TNIK: variants seen among roughly 807,000 people sequenced by gnomAD.
The protein encoded by TNIK is TRAF2 and NCK interacting kinase.
Under a neutral mutation model 191.3 loss-of-function variants are expected in TNIK, and 49 were observed. That is an observed-to-expected ratio of 0.26 (90% confidence interval 0.20 to 0.32). The LOEUF is 0.32. Ranked by LOEUF, TNIK falls within the 10% of genes least tolerant of loss-of-function variation. TNIK has a pLI of 1.00. For synonymous variants in TNIK, 594 were observed against 600.9 expected (o/e 0.99, Z 0.17); for missense variants, 1,155 against 1,702.3 (o/e 0.68, Z 5.66).
At chr3:171,070,020 G>C (rs1718982456) in intron 29 of TNIK, among the ~76,000 whole-genome samples, 1 of 152,204 alleles carries the variant, frequency 6.6e-6, no homozygotes, top group African/African-American at 2.4e-5. Flanking sequence ...ACTCTCTCAT[G>C]TGTCTCTGGG....
intron 7 of TNIK, among the ~76,000 whole-genome samples, chr3:171,179,231 T>C (rs1325355804): frequency 6.6e-6 from 1 of 152,208 alleles, no homozygotes; most frequent in Admixed American, 6.5e-5. Flanking sequence ...TCCCTTCTCT[T>C]TGTTATGTTT....
At chr3:171,297,352 C>A (rs922431486) in intron 2 of TNIK, among the ~76,000 whole-genome samples, 8 of 152,140 alleles carry the variant, frequency 5.3e-5, no homozygotes, top group African/African-American at 1.9e-4. Context: ...TGCACCCCCA[C>A]CCCAACTTTC....
intron 1 of TNIK, among the ~76,000 whole-genome samples, chr3:171,457,694 C>T (rs143764279): frequency 0.011 from 1,691 of 152,312 alleles, 12 homozygotes; most frequent in Middle Eastern, 0.034. Flanking sequence ...CCCTGGCCCT[C>T]CAGGATATAA....
chr3:171,394,791 T>C (rs1225998564), intron 1 of TNIK, among the ~76,000 whole-genome samples: 1 of 152,208 alleles, frequency 6.6e-6, no homozygotes, highest in Non-Finnish European at 1.5e-5. Flanking sequence ...CACTGAAAAT[T>C]ACCTGCTATT....
chr3:171,408,931 A>T (rs1722055319), intron 1 of TNIK, among the ~76,000 whole-genome samples: 1 of 152,182 alleles, frequency 6.6e-6, no homozygotes, highest in Non-Finnish European at 1.5e-5. Context: ...ACATCAGGGA[A>T]TAAGAGTAAA....
rs780720342 is a variant in TNIK at position 171,093,940 on chromosome 3, G to T, written c.2620C>A (p.Gln874Lys). Reference protein sequence around the residue: ...IPTGAPGSNEQYNVGMVGTHG... With the variant: ...IPTGAPGSNEKYNVGMVGTHG... ...GTCCCCACCATTCCCACATTGTACTGCTCGTTGCTGCCTGGAGCTCCTGTT... is the reference window on the plus strand; with the variant it reads ...GTCCCCACCATTCCCACATTGTACTTCTCGTTGCTGCCTGGAGCTCCTGTT... The change falls in exon 23 of 33, where the codon CAG becomes AAG. Residue 874 changes from glutamine to lysine, a missense_variant. Around this residue, in one of 3 missense-constraint regions of TNIK, gnomAD observed 735 missense variants for 848.0 expected, o/e 0.87. Transcript: ENST00000436636. 37 of 1,613,374 alleles carry T rather than the reference G, an allele frequency of 2.3e-5. No individual in the cohort carries two copies. The highest frequency in any genetic ancestry group is 2.8e-5 in the Non-Finnish European group (33 of 1,179,718).
chr3:171,230,840 C>G (rs1743531916), intron 2 of TNIK, among the ~76,000 whole-genome samples: 1 of 152,194 alleles, frequency 6.6e-6, no homozygotes, highest in South Asian at 2.1e-4. Context: ...TCCTTCCTCT[C>G]TCCCTTCCTT....
In TNIK at chr3:171,232,341, G is replaced by GA. The variant is rs538492715; in HGVS notation, c.124-4121dup. Among the ~76,000 whole-genome samples the GA allele has an allele frequency of 6.8e-3, 906 of 133,346 alleles. 5 individuals carry two copies. Among genetic ancestry groups the GA allele is most frequent in the East Asian group, 0.02 (89 of 4,512 alleles). 87.5% of individuals were successfully genotyped at this position (133,346 alleles called of 152,430 possible). Reference sequence around the variant, plus strand: ...CTCTAAAATGGACAAATGTATGAATGAAAAAAAAAAACCACATGTGCAACC... The same window carrying GA: ...CTCTAAAATGGACAAATGTATGAATGAAAAAAAAAAAACCACATGTGCAACC... On this transcript the variant is annotated intron_variant, in intron 2 of 32. Transcript: ENST00000436636.
rs1577124463 is a variant in TNIK, at chr3:171,208,580, C to T, written c.306+2536G>A. 2.0e-5 allele frequency among the ~76,000 whole-genome samples: 3 copies of T among 148,002 alleles called. No homozygotes were observed. In the South Asian group the frequency reaches 6.6e-4, roughly 32 times the overall value. On this transcript the variant is annotated intron_variant, in intron 4 of 32. Transcript: ENST00000436636. Reference sequence around the variant, plus strand: ...TGTGTGTATGTGTGTGTGTGTGAGACAGAGTCTCACTCTGTCACACAGGCT... The same window carrying T: ...TGTGTGTATGTGTGTGTGTGTGAGATAGAGTCTCACTCTGTCACACAGGCT...
intron 2 of TNIK, among the ~76,000 whole-genome samples, chr3:171,336,019 C>T (rs936802430): frequency 1.4e-4 from 21 of 151,902 alleles, no homozygotes; most frequent in Non-Finnish European, 1.8e-4. Flanking sequence ...GCCTGATGAC[C>T]GATGTTAAGT....
intron 2 of TNIK, among the ~76,000 whole-genome samples, chr3:171,239,503 A>T (rs1365100588): frequency 1.3e-5 from 2 of 152,260 alleles, no homozygotes; most frequent in African/African-American, 4.8e-5. Flanking sequence ...GTCAAAGAAT[A>T]ACATCCAAAT....
intron 1 of TNIK, among the ~76,000 whole-genome samples, chr3:171,411,266 A>C (rs1017677352): frequency 6.6e-6 from 1 of 151,998 alleles, no homozygotes; most frequent in Non-Finnish European, 1.5e-5. Flanking sequence ...TGTAAAGATA[A>C]GGTCTTGCTC....
intron 12 of TNIK, among the ~76,000 whole-genome samples, chr3:171,144,813 A>G (rs577245485): frequency 3.7e-4 from 57 of 152,186 alleles, no homozygotes; most frequent in Admixed American, 1.4e-3. Context: ...CTTTCTTTCT[A>G]TGAGAGTGAC....
chr3:171,211,268 G>A (rs1322292214), intron 3 of TNIK, 27 bp from the exon 4 acceptor site: 1 of 1,571,092 alleles, frequency 6.4e-7, no homozygotes, highest in Non-Finnish European at 8.6e-7. Context: ...TAAAAATTCT[G>A]TCATGAAAAT....
In TNIK at chr3:171,442,622, TGAA is replaced by T. The variant is rs201068537; in HGVS notation, c.57+17382_57+17384del. On this transcript the variant is annotated intron_variant, in intron 1 of 32. Coordinates refer to ENST00000436636, the MANE Select transcript of TNIK (RefSeq NM_015028.4). ...CTCTCTTCATAGAGAGGCTTCCTCC[TGAA>T]GAAGGACCCTTTTTGTTTCCAGTGA... Among the ~76,000 whole-genome samples, 4 of 152,314 alleles carry T rather than the reference TGAA, an allele frequency of 2.6e-5. No homozygotes were observed. The South Asian group carries it at 6.2e-4, about 24-fold the overall frequency.
At chr3:171,406,438 A>AT (rs769929702) in intron 1 of TNIK, among the ~76,000 whole-genome samples, 21 of 151,192 alleles carry the variant, frequency 1.4e-4, no homozygotes, top group Middle Eastern at 3.2e-3. Context: ...TTATTTATTT[A>AT]TTTTTTTTTA....
chr3:171,109,535 G>A (rs34906294), intron 19 of TNIK, among the ~76,000 whole-genome samples: 2 of 152,182 alleles, frequency 1.3e-5, no homozygotes, highest in African/African-American at 4.8e-5. Context: ...AACCCTGAAA[G>A]GGTGTTAGGA....
At chr3:171,372,747 G>A (rs1716693184) in intron 1 of TNIK, among the ~76,000 whole-genome samples, 1 of 152,174 alleles carries the variant, frequency 6.6e-6, no homozygotes, top group Non-Finnish European at 1.5e-5. Flanking sequence ...CTCCCAGAAG[G>A]TGGACAACTG....
At chr3:171,229,413 G>C (rs1008891267) in intron 2 of TNIK, among the ~76,000 whole-genome samples, 3 of 152,216 alleles carry the variant, frequency 2.0e-5, no homozygotes, top group Non-Finnish European at 4.4e-5. Flanking sequence ...CAGATAAGGA[G>C]GCATGTATAA....
Sources: gnomAD v4.1 joint callset for allele counts (sites outside exome capture counted in the v4.1 genomes callset) on GRCh38, gnomAD v4.1.1 for gene constraint, gnomAD v4.1.1 regional missense constraint, MANE v1.5 for transcripts, NCBI Gene and HGNC (gene_info 2026-07-23, HGNC 2026-07-21) for gene names.